CCSER1: variants seen among roughly 807,000 people sequenced by gnomAD.
CCSER1 encodes the protein serine-rich coiled-coil domain-containing protein 1.
CCSER1 carries 41 observed loss-of-function variants against 82.0 expected under a neutral mutation model. The observed-to-expected ratio is 0.50, with a 90% CI of 0.39 to 0.65. The LOEUF is 0.65. Ranked by LOEUF, CCSER1 falls within the 30% of genes least tolerant of loss-of-function variation. The probability of loss-of-function intolerance (pLI) is 0.00; values close to 1 mark genes in which losing one functional copy is unlikely to be tolerated. For synonymous variants in CCSER1, 414 were observed against 383.9 expected (o/e 1.08, Z -0.92); for missense variants, 1,119 against 1,064.2 (o/e 1.05, Z -0.72).
chr4:90,916,118 C>T (rs1489097136), intron 8 of CCSER1, among the ~76,000 whole-genome samples: 1 of 152,068 alleles, frequency 6.6e-6, no homozygotes, highest in Non-Finnish European at 1.5e-5. Context: ...CAATGCCATC[C>T]CCATCAAGCT....
chr4:90,743,336 A>G (rs1302325886), intron 7 of CCSER1, among the ~76,000 whole-genome samples: 1 of 152,194 alleles, frequency 6.6e-6, no homozygotes, highest in Non-Finnish European at 1.5e-5. Flanking sequence ...AGATAGATAT[A>G]ATTTGAATAT....
At chr4:90,994,758 G>C (rs1737343146) in intron 9 of CCSER1, among the ~76,000 whole-genome samples, 1 of 152,126 alleles carries the variant, frequency 6.6e-6, no homozygotes. Context: ...TATTGCCGAA[G>C]TTGTTATACC....
chr4:90,534,903 G>A (rs1269255873), intron 5 of CCSER1, among the ~76,000 whole-genome samples: 1 of 152,090 alleles, frequency 6.6e-6, no homozygotes, highest in East Asian at 1.9e-4. Context: ...GTGGTCAATG[G>A]ACCAGCAGCA....
chr4:91,254,438 G>A (rs1173616560), intron 10 of CCSER1, among the ~76,000 whole-genome samples: 1 of 152,100 alleles, frequency 6.6e-6, no homozygotes, highest in Non-Finnish European at 1.5e-5. Context: ...TGTGAAATAA[G>A]CCAATCATAA....
chr4:91,465,172 A>G (rs545226786), intron 10 of CCSER1, among the ~76,000 whole-genome samples: 4 of 152,348 alleles, frequency 2.6e-5, no homozygotes, highest in African/African-American at 9.6e-5. Context: ...ATGACAGTGC[A>G]ATGAAACTAG....
chr4:91,482,222 A>G (rs1270636821), intron 10 of CCSER1, among the ~76,000 whole-genome samples: 3 of 147,672 alleles, frequency 2.0e-5, no homozygotes, highest in Admixed American at 6.8e-5. Context: ...CTAACAAGGT[A>G]AAACCCCGTC....
chr4:90,241,906 T>C (rs1049742345), intron 1 of CCSER1, among the ~76,000 whole-genome samples: 2 of 152,220 alleles, frequency 1.3e-5, no homozygotes, highest in South Asian at 2.1e-4. Context: ...TATGCTTTGG[T>C]ATGAAATTGT....
chr4:90,332,740 A>C (rs1243341477), intron 3 of CCSER1, among the ~76,000 whole-genome samples: 1 of 152,196 alleles, frequency 6.6e-6, no homozygotes, highest in African/African-American at 2.4e-5. Flanking sequence ...TGTAGACATC[A>C]TGATTCTTTA....
chr4:90,990,279 T>G (rs1402454128), intron 9 of CCSER1, among the ~76,000 whole-genome samples: 1 of 151,862 alleles, frequency 6.6e-6, no homozygotes, highest in Non-Finnish European at 1.5e-5. Flanking sequence ...CTGTATCCCC[T>G]TAGGCCTCAA....
At chr4:90,234,976 G>A (rs1745498280) in intron 1 of CCSER1, 1 of 152,134 alleles carries the variant, frequency 6.6e-6, no homozygotes, top group African/African-American at 2.4e-5. Context: ...AGTGCTGCTG[G>A]TTAGCACAGA....
At chr4:91,226,082 G>C (rs923756685) in intron 10 of CCSER1, among the ~76,000 whole-genome samples, 1 of 151,914 alleles carries the variant, frequency 6.6e-6, no homozygotes, top group Non-Finnish European at 1.5e-5. Flanking sequence ...GTATACAAGT[G>C]CGATGTTGGT....
At chr4:90,307,257 C>G (rs1444888524) in intron 1 of CCSER1, among the ~76,000 whole-genome samples, 1 of 151,996 alleles carries the variant, frequency 6.6e-6, no homozygotes, top group Non-Finnish European at 1.5e-5. Context: ...TCCATTGATA[C>G]CCTGAATATA....
intron 10 of CCSER1, among the ~76,000 whole-genome samples, chr4:91,155,519 C>G (rs529465401): frequency 2.0e-5 from 3 of 151,962 alleles, no homozygotes; most frequent in African/African-American, 7.2e-5. Flanking sequence ...GCCTGTAGCT[C>G]TATTGAGATG....
In CCSER1 at chr4:91,014,276, A is replaced by G. The variant is rs912589169; in HGVS notation, c.2173-71674A>G. On this transcript the variant is annotated intron_variant, in intron 9 of 10. Transcript: ENST00000509176. Reference sequence around the variant, plus strand: ...TTTAAATGTAGATTAAAGCTTTCCAACATTGACATATGAAAATTAAAAAAG... The same window carrying G: ...TTTAAATGTAGATTAAAGCTTTCCAGCATTGACATATGAAAATTAAAAAAG... Among the ~76,000 whole-genome samples, 9 of 134,444 alleles carry G rather than the reference A, an allele frequency of 6.7e-5. 1 individual carries two copies. The highest frequency in any genetic ancestry group is 2.2e-4 in the African/African-American group (9 of 40,438). The allele number at this position is 134,444 out of a possible 152,430, so 88.2% of individuals were successfully genotyped here.
At chr4:90,201,375 G>A (rs1737673494) in intron 1 of CCSER1, among the ~76,000 whole-genome samples, 1 of 151,916 alleles carries the variant, frequency 6.6e-6, no homozygotes, top group Non-Finnish European at 1.5e-5. Context: ...TATAAAATTA[G>A]CACAAGATGT....
intron 4 of CCSER1, among the ~76,000 whole-genome samples, chr4:90,414,303 A>T (rs1246903227): frequency 3.9e-5 from 6 of 151,916 alleles, no homozygotes; most frequent in Admixed American, 6.6e-5. Flanking sequence ...TTTAGATTTA[A>T]AGGATTTTTT....
intron 1 of CCSER1, among the ~76,000 whole-genome samples, chr4:90,155,474 C>T (rs1226032420): frequency 6.6e-6 from 1 of 152,074 alleles, no homozygotes; most frequent in African/African-American, 2.4e-5. Flanking sequence ...CTCCTTGTAC[C>T]TCTGGTAGAA....
chr4:90,947,751 TGCAAGTATCTCTAGAGACTGTAA>T (rs1732428833), intron 9 of CCSER1, among the ~76,000 whole-genome samples: 1 of 152,158 alleles, frequency 6.6e-6, no homozygotes, highest in Non-Finnish European at 1.5e-5. Flanking sequence ...TTTTTTCCTT[TGCAAGTATCTCTAGAGACTGTAA>T]GTGACAAGTA....
chr4:90,751,728 C>T (rs1244379112), intron 7 of CCSER1, among the ~76,000 whole-genome samples: 1 of 151,884 alleles, frequency 6.6e-6, no homozygotes, highest in South Asian at 2.1e-4. Flanking sequence ...GAAGTTTATT[C>T]TTTTATTATC....
Sources: gnomAD v4.1 joint callset for allele counts (sites outside exome capture counted in the v4.1 genomes callset) on GRCh38, gnomAD v4.1.1 for gene constraint, MANE v1.5 for transcripts, NCBI Gene and HGNC (gene_info 2026-07-23, HGNC 2026-07-21) for gene names.